SLC2A13: variants seen among roughly 807,000 people sequenced by gnomAD.
The protein encoded by SLC2A13 is solute carrier family 2 member 13.
A neutral mutation model predicts 64.4 loss-of-function variants in SLC2A13; 32 were observed. The ratio of observed to expected loss-of-function variants is 0.50; its 90% CI spans 0.37 to 0.67. SLC2A13 has a LOEUF of 0.67. Among genes scored for constraint, SLC2A13 ranks in the 30% least tolerant of loss-of-function variants. The pLI, the probability that SLC2A13 is intolerant of heterozygous loss-of-function variation, is 0.00. For missense variants in SLC2A13, 743 were observed against 829.2 expected (o/e 0.90, Z 1.28); for synonymous variants, 338 against 327.1 (o/e 1.03, Z -0.36).
intron 4 of SLC2A13, among the ~76,000 whole-genome samples, chr12:39,925,952 C>A (rs1381155605): frequency 6.6e-6 from 1 of 152,032 alleles, no homozygotes; most frequent in East Asian, 1.9e-4. Flanking sequence ...TAGCCTTAAC[C>A]CAATTGTTAG....
rs138801410 is a variant in SLC2A13 at position 39,880,086 on chromosome 12, G to A, written c.1035-8125C>T. On this transcript the variant is annotated intron_variant, in intron 4 of 9. Coordinates refer to ENST00000280871, the MANE Select transcript of SLC2A13 (RefSeq NM_052885.4). ...CTTGCTCTTGCTTTTGCCATGTGAC[G>A]TGACTGCTCCCCCTTTGCCTTCTTC... Among the ~76,000 whole-genome samples, 24 of 152,186 alleles carry A rather than the reference G, an allele frequency of 1.6e-4. No homozygotes were observed. In the East Asian group the frequency reaches 3.5e-3, roughly 22 times the overall value.
At chr12:40,052,493 G>C (rs1371873205) in intron 1 of SLC2A13, among the ~76,000 whole-genome samples, 1 of 152,154 alleles carries the variant, frequency 6.6e-6, no homozygotes, top group Non-Finnish European at 1.5e-5. Context: ...AGTTGTGAGT[G>C]AGAGTCTCGG....
intron 1 of SLC2A13, among the ~76,000 whole-genome samples, chr12:40,079,409 G>T (rs1329699571): frequency 6.6e-6 from 1 of 152,172 alleles, no homozygotes; most frequent in Non-Finnish European, 1.5e-5. Context: ...CCAAGTAATT[G>T]TACAGTTTGG....
At chr12:39,768,277 GATCGTCT>G (rs1406930015) in intron 7 of SLC2A13, among the ~76,000 whole-genome samples, 1 of 152,102 alleles carries the variant, frequency 6.6e-6, no homozygotes, top group Non-Finnish European at 1.5e-5. Flanking sequence ...TGGCTGGTTT[GATCGTCT>G]ATCCAGACCA....
At chr12:39,995,043 C>G (rs1372847614) in intron 3 of SLC2A13, among the ~76,000 whole-genome samples, 4 of 152,182 alleles carry the variant, frequency 2.6e-5, no homozygotes, top group Non-Finnish European at 1.5e-5. Flanking sequence ...ATATTAACAT[C>G]AAAACAATAC....
At chr12:39,785,529 G>A (rs1941154267) in intron 7 of SLC2A13, among the ~76,000 whole-genome samples, 1 of 152,216 alleles carries the variant, frequency 6.6e-6, no homozygotes, top group African/African-American at 2.4e-5. Flanking sequence ...GAAGGGAAAT[G>A]TGGGGTCAGA....
At chr12:39,845,245 C>T (rs2135882876) in intron 6 of SLC2A13, among the ~76,000 whole-genome samples, 1 of 151,984 alleles carries the variant, frequency 6.6e-6, no homozygotes, top group East Asian at 1.9e-4. Flanking sequence ...TGAGGAAATA[C>T]TTCTTAAAAT....
Position 39,759,379 on chromosome 12 carries a change from T to C in SLC2A13, c.*647A>G, listed in dbSNP as rs2135704966. On this transcript the variant is annotated 3_prime_UTR_variant, in exon 10 of 10. Coordinates refer to ENST00000280871, the MANE Select transcript of SLC2A13 (RefSeq NM_052885.4). ...AACCCGACAGATTATATTTTCATAATGTTCAAAAGATAGTGTGCAGAGTCA... is the reference window on the plus strand; with the variant it reads ...AACCCGACAGATTATATTTTCATAACGTTCAAAAGATAGTGTGCAGAGTCA... 1 of 152,422 alleles carries C rather than the reference T, an allele frequency of 6.6e-6. No homozygotes were observed. The highest frequency in any genetic ancestry group is 2.1e-4 in the South Asian group (1 of 4,832). The allele number at this position is 152,422 out of a possible 1,614,324, so 9.4% of individuals were successfully genotyped here.
intron 7 of SLC2A13, among the ~76,000 whole-genome samples, chr12:39,800,548 A>G (rs965959132): frequency 1.8e-5 from 2 of 110,778 alleles, no homozygotes; most frequent in African/African-American, 3.6e-5. Flanking sequence ...ACTATGAGAT[A>G]TCATCTCACA....
At chr12:39,887,475 A>AT (rs2135971332) in intron 4 of SLC2A13, among the ~76,000 whole-genome samples, 1 of 152,326 alleles carries the variant, frequency 6.6e-6, no homozygotes, top group East Asian at 1.9e-4. Context: ...AATGTAAAAA[A>AT]GGGACTTTTC....
intron 1 of SLC2A13, among the ~76,000 whole-genome samples, chr12:40,094,887 G>A (rs1592079392): frequency 1.3e-5 from 2 of 152,320 alleles, no homozygotes; most frequent in Non-Finnish European, 1.5e-5. Context: ...AGGAGACAGG[G>A]AGAGGCCTTA....
intron 3 of SLC2A13, among the ~76,000 whole-genome samples, chr12:40,009,065 C>G (rs567535336): frequency 6.6e-6 from 1 of 152,150 alleles, no homozygotes; most frequent in Non-Finnish European, 1.5e-5. Flanking sequence ...CTTAATAATA[C>G]ATGCATTATG....
chr12:39,933,427 A>G (rs1342371417), intron 4 of SLC2A13, among the ~76,000 whole-genome samples: 2 of 152,186 alleles, frequency 1.3e-5, no homozygotes, highest in African/African-American at 4.8e-5. Context: ...TGAAATGAAG[A>G]TAAATATAGG....
intron 3 of SLC2A13, among the ~76,000 whole-genome samples, chr12:40,003,633 A>G (rs560860907): frequency 1.3e-4 from 20 of 152,056 alleles, no homozygotes; most frequent in African/African-American, 4.8e-4. Flanking sequence ...ATAAAAAAGC[A>G]AGTCATCTCC....
intron 3 of SLC2A13, among the ~76,000 whole-genome samples, chr12:40,018,267 A>G (rs1309570550): frequency 6.6e-6 from 1 of 152,232 alleles, no homozygotes; most frequent in Non-Finnish European, 1.5e-5. Context: ...AGCAGAGACA[A>G]GTAGTTACAG....
intron 4 of SLC2A13, among the ~76,000 whole-genome samples, chr12:39,909,792 T>C (rs933364976): frequency 1.3e-5 from 2 of 151,990 alleles, no homozygotes; most frequent in East Asian, 1.9e-4. Context: ...CGAGAAACAG[T>C]AGGTAATTTG....
intron 6 of SLC2A13, among the ~76,000 whole-genome samples, chr12:39,842,170 G>A (rs1432557167): frequency 6.6e-6 from 1 of 151,986 alleles, no homozygotes; most frequent in Non-Finnish European, 1.5e-5. Flanking sequence ...TTATTTAAAG[G>A]AAAGCAGGCT....
At chr12:39,911,763 G>T (rs1945436434) in intron 4 of SLC2A13, among the ~76,000 whole-genome samples, 1 of 151,998 alleles carries the variant, frequency 6.6e-6, no homozygotes, top group African/African-American at 2.4e-5. Context: ...TATAAAATTA[G>T]GTTCCTTTAG....
intron 4 of SLC2A13, among the ~76,000 whole-genome samples, chr12:39,882,573 T>C (rs1298902210): frequency 6.6e-6 from 1 of 152,186 alleles, no homozygotes; most frequent in Non-Finnish European, 1.5e-5. Context: ...GATGCTTTCA[T>C]AGCATTTCCC....
Sources: allele counts gnomAD v4.1 joint callset (sites outside exome capture counted in the v4.1 genomes callset), GRCh38; gene constraint gnomAD v4.1.1; transcripts MANE v1.5; gene names NCBI Gene and HGNC (gene_info 2026-07-23, HGNC 2026-07-21).